The following ADAMTS12 variants were observed in gnomAD, a reference collection of about 807,000 sequenced individuals.
ADAMTS12 encodes ADAM metallopeptidase with thrombospondin type 1 motif 12.
In ADAMTS12, 118 loss-of-function variants were observed where a neutral mutation model predicts 167.8. The observed-to-expected ratio is 0.70, with a 90% confidence interval of 0.61 to 0.82. The LOEUF is 0.82. ADAMTS12 is among the 40% of genes least tolerant of loss of function. ADAMTS12 has a pLI of 0.00. For synonymous variants in ADAMTS12, 704 were observed against 716.9 expected, an observed-to-expected ratio of 0.98 and a Z score of 0.29; for missense variants, 1,916 against 1,998.8, an observed-to-expected ratio of 0.96 and a Z score of 0.79.
At chr5:33,551,109 C>T (rs1016672639) in intron 20 of ADAMTS12, among the ~76,000 whole-genome samples, 1 of 152,126 alleles carries the variant, frequency 6.6e-6, no homozygotes, top group African/African-American at 2.4e-5. Context: ...ACCATGCTGT[C>T]TTTCTGGCTA....
chr5:33,613,106 T>A (rs1033421756), intron 16 of ADAMTS12, among the ~76,000 whole-genome samples: 5 of 152,160 alleles, frequency 3.3e-5, no homozygotes, highest in African/African-American at 9.7e-5. Context: ...TTCTGCTCCA[T>A]TCACTTGCTT....
chr5:33,565,140 C>A (rs1045653493), intron 19 of ADAMTS12, among the ~76,000 whole-genome samples: 3 of 151,934 alleles, frequency 2.0e-5, no homozygotes, highest in Non-Finnish European at 4.4e-5. Context: ...CTGACCCTCT[C>A]TGACAGTTAT....
chr5:33,772,811 C>T (rs974974939), intron 2 of ADAMTS12, among the ~76,000 whole-genome samples: 1 of 152,174 alleles, frequency 6.6e-6, no homozygotes, highest in Non-Finnish European at 1.5e-5. Context: ...AAGCACACCA[C>T]GTGTGATGTA....
At chr5:33,696,274 A>C (rs1036620603) in intron 3 of ADAMTS12, among the ~76,000 whole-genome samples, 1 of 151,522 alleles carries the variant, frequency 6.6e-6, no homozygotes, top group African/African-American at 2.4e-5. Context: ...ACAAAAAATT[A>C]GCCGGGCACG....
chr5:33,715,366 G>A (rs945445000), intron 3 of ADAMTS12, among the ~76,000 whole-genome samples: 4 of 152,058 alleles, frequency 2.6e-5, no homozygotes, highest in Non-Finnish European at 5.9e-5. Flanking sequence ...GCAAGTTTGG[G>A]GGGACACTAA....
chr5:33,546,226 T>C (rs553708888), intron 21 of ADAMTS12, 24 bp from the exon 22 acceptor site: 2 of 1,594,152 alleles, frequency 1.3e-6, no homozygotes, highest in Admixed American at 1.8e-5. Flanking sequence ...GTGACAAGAT[T>C]AGGTAAAAGT....
At chr5:33,529,702 G>A (rs1376227219) in intron 23 of ADAMTS12, among the ~76,000 whole-genome samples, 1 of 151,900 alleles carries the variant, frequency 6.6e-6, no homozygotes, top group Non-Finnish European at 1.5e-5. Context: ...CCTTATTTTT[G>A]TGAAGAAATG....
At chr5:33,782,313 C>A (rs1282451953) in intron 2 of ADAMTS12, among the ~76,000 whole-genome samples, 1 of 151,518 alleles carries the variant, frequency 6.6e-6, no homozygotes, top group Non-Finnish European at 1.5e-5. Flanking sequence ...GGTTAAAAAT[C>A]AACAGAAAAA....
At chr5:33,630,667 A>G in intron 13 of ADAMTS12, 113 bp downstream of exon 13, 1 of 1,171,614 alleles carries the variant, frequency 8.5e-7, no homozygotes, top group Non-Finnish European at 1.2e-6. Flanking sequence ...CTATATATAA[A>G]AAACAGATGA....
At chr5:33,636,567 A>G (rs1740202161) in intron 12 of ADAMTS12, among the ~76,000 whole-genome samples, 1 of 152,210 alleles carries the variant, frequency 6.6e-6, no homozygotes, top group Admixed American at 6.5e-5. Context: ...TGAGCAAACC[A>G]CTGCAGAGTC....
Position 33,779,867 on chromosome 5 carries a change from A to C in ADAMTS12, c.490-28319T>G, listed in dbSNP as rs182581149. On this transcript the variant is annotated intron_variant, in intron 2 of 23. Coordinates refer to ENST00000504830, the MANE Select transcript of ADAMTS12 (RefSeq NM_030955.4). ...AAAGGGTATGAAGTTTCAGTTAAGC[A>C]AGAAGGATAAGTTCTGGAGAGCTAA... Among the ~76,000 whole-genome samples, 49 of 152,314 alleles carry C rather than the reference A, an allele frequency of 3.2e-4. No homozygotes were observed. The East Asian group carries it at 7.9e-3, about 25-fold the overall frequency.
rs182204660 is a variant in ADAMTS12 at position 33,585,224 on chromosome 5, A to T, written c.2865+3375T>A. On this transcript the variant is annotated intron_variant, in intron 18 of 23. Transcript: ENST00000504830. ...CAGGGGTGTCTCTTGAAGAAGAGGT[A>T]CCCTTCCATCTATCAAAAAGAAAGA... is the stretch of plus-strand genomic sequence containing the variant. 2.2e-4 allele frequency among the ~76,000 whole-genome samples: 34 copies of T among 152,300 alleles called. No homozygotes were observed. In the East Asian group the frequency reaches 6.4e-3, roughly 29 times the overall value.
chr5:33,593,956 C>A (rs1238495991), intron 17 of ADAMTS12, among the ~76,000 whole-genome samples: 1 of 152,138 alleles, frequency 6.6e-6, no homozygotes, highest in Non-Finnish European at 1.5e-5. Context: ...ATACCCATAC[C>A]CTGTCTTATG....
chr5:33,680,512 C>CT (rs5867204), intron 5 of ADAMTS12, among the ~76,000 whole-genome samples: 141,140 of 149,898 alleles, frequency 0.94, 66,714 homozygotes, highest in Non-Finnish European at 0.98. Flanking sequence ...CTTTCTTCTT[C>CT]TTTTTTTTTG....
At chr5:33,856,120 C>T (rs764195219) in intron 2 of ADAMTS12, among the ~76,000 whole-genome samples, 6 of 152,056 alleles carry the variant, frequency 3.9e-5, no homozygotes, top group Admixed American at 2.6e-4. Context: ...TGAATGATTT[C>T]GAGAAATAGA....
chr5:33,810,214 G>A (rs1747403478), intron 2 of ADAMTS12, among the ~76,000 whole-genome samples: 1 of 152,082 alleles, frequency 6.6e-6, no homozygotes, highest in South Asian at 2.1e-4. Context: ...AGAAAAAAAT[G>A]CTAGAAAATA....
intron 14 of ADAMTS12, among the ~76,000 whole-genome samples, chr5:33,617,233 A>G (rs62351147): frequency 6.6e-6 from 1 of 150,984 alleles, no homozygotes; most frequent in South Asian, 2.1e-4. Context: ...TTTTTTTTAA[A>G]TATAAAATAC....
chr5:33,589,884 T>A (rs1747550063), intron 17 of ADAMTS12, among the ~76,000 whole-genome samples: 1 of 152,220 alleles, frequency 6.6e-6, no homozygotes, highest in African/African-American at 2.4e-5. Context: ...GATTTATTTA[T>A]GTAGAATTTC....
chr5:33,769,770 G>GA (rs1208672766), intron 2 of ADAMTS12, among the ~76,000 whole-genome samples: 1 of 152,286 alleles, frequency 6.6e-6, no homozygotes, highest in East Asian at 1.9e-4. Context: ...GCAATCAAGA[G>GA]ATGCAGAATT....
Sources: allele counts gnomAD v4.1 joint callset (sites outside exome capture counted in the v4.1 genomes callset), GRCh38; gene constraint gnomAD v4.1.1; transcripts MANE v1.5; gene names NCBI Gene and HGNC (gene_info 2026-07-23, HGNC 2026-07-21).